COL11A2: variants seen among roughly 807,000 people sequenced by gnomAD.
The protein encoded by COL11A2 is collagen type XI alpha 2 chain.
Under a neutral mutation model 273.4 loss-of-function variants are expected in COL11A2, and 116 were observed. The observed-to-expected ratio is 0.42, with a 90% CI of 0.36 to 0.49. The LOEUF is 0.49. Ranked by LOEUF, COL11A2 falls within the 20% of genes least tolerant of loss-of-function variation. COL11A2 has a pLI of 0.00. For synonymous variants in COL11A2, 782 were observed against 864.2 expected (o/e 0.90, Z 1.67); for missense variants, 1,866 against 2,309.0 (o/e 0.81, Z 3.93).
At chr6:33,187,999 G>A (rs968760017) in intron 4 of COL11A2, among the ~76,000 whole-genome samples, 5 of 152,022 alleles carry the variant, frequency 3.3e-5, no homozygotes, top group Admixed American at 1.3e-4. Context: ...CTAGGTGGGC[G>A]TGTGATGCAT....
intron 30 of COL11A2, 114 bp downstream of exon 30, chr6:33,175,460 A>C: frequency 1.2e-6 from 1 of 815,906 alleles, no homozygotes; most frequent in Non-Finnish European, 2.1e-6. Context: ...AGTATGACTA[A>C]TGCATGGCCA....
At position 33,190,177 on chromosome 6, in the gene COL11A2, G is replaced by A. The variant is rs1356311401; in HGVS notation, c.83-708C>T. Among the ~76,000 whole-genome samples, 1 of 151,916 alleles carries A rather than the reference G, an allele frequency of 6.6e-6. No individual in the cohort carries two copies. Among genetic ancestry groups the A allele is most frequent in the Admixed American group, 6.5e-5 (1 of 15,276 alleles). ...CTCTCCCAGGAGTCTGTGCCTCCTG[G>A]TTTAGGAGATGAGTTGGGGAGGGGT... is the stretch of plus-strand genomic sequence containing the variant. On this transcript the variant is annotated intron_variant, in intron 1 of 65. Coordinates refer to ENST00000341947, the MANE Select transcript of COL11A2 (RefSeq NM_080680.3). This position sits in a 1 kb window ranked among gnomAD's most constrained non-coding sequence, Gnocchi z 4.5.
At position 33,169,714 on chromosome 6, in the gene COL11A2, G is replaced by A. The variant is rs1329181345; in HGVS notation, c.3690+117C>T. 2 of 1,324,210 alleles carry A rather than the reference G, an allele frequency of 1.5e-6. No homozygotes were observed. The highest frequency in any genetic ancestry group is 2.2e-6 in the Non-Finnish European group (2 of 916,620). 82.0% of individuals were successfully genotyped at this position (1,324,210 alleles called of 1,614,324 possible). ...GATCAGGCCTCATAGAGGATGGCAGGGAGCAGAGACTCTTGCTGCAGAGGA... is the reference window on the plus strand; with the variant it reads ...GATCAGGCCTCATAGAGGATGGCAGAGAGCAGAGACTCTTGCTGCAGAGGA... On this transcript the variant is annotated intron_variant, in intron 50 of 65. Coordinates refer to ENST00000341947, the MANE Select transcript of COL11A2 (RefSeq NM_080680.3). This position sits in a 1 kb window ranked among gnomAD's most constrained non-coding sequence, Gnocchi z 5.5.
In COL11A2 at chr6:33,173,542, G is replaced by A. The variant is rs754496233; in HGVS notation, c.2642C>T (p.Pro881Leu). The change falls in exon 36 of 66, where the codon CCT becomes CTT. Residue 881 changes from proline to leucine, a missense_variant. Transcript: ENST00000341947. This position sits in a 1 kb window ranked among gnomAD's most constrained non-coding sequence, Gnocchi z 6.3. ...GPPGERGLPGPQGPNGFPGPK... is the reference protein window; with the variant it reads ...GPPGERGLPGLQGPNGFPGPK... ...TCCAGGAAACCCGTTGGGACCCTGA[G>A]GTCCAGGGAGGCCCTAGAGACAGAG... The A allele has an allele frequency of 2.5e-6, 4 of 1,598,716 alleles. No homozygotes were observed. The African/African-American group carries it at 5.4e-5, about 22-fold the overall frequency.
At chr6:33,183,108 C>A (rs1024507491) in intron 8 of COL11A2, among the ~76,000 whole-genome samples, 1 of 152,068 alleles carries the variant, frequency 6.6e-6, no homozygotes, top group African/African-American at 2.4e-5. Context: ...GCAAGGCAGG[C>A]AGAAGACGGA....
In COL11A2 at chr6:33,180,988, C is replaced by G. The variant is rs1328189776; in HGVS notation, c.1197G>C (p.Gly399=). The stretch of plus-strand genomic sequence containing the variant: ...CCGCAGGGCCTTCTGGGCCAGGGGG[C>G]CCCTCCACGAGCATACCCTGTGGAG... ...AVLEPGMLVE[G]PPGPEGPAGL... The change falls in exon 10 of 66, where the codon GGG becomes GGC. Residue 399 remains glycine, a synonymous_variant. Transcript: ENST00000341947. 4 of 1,614,060 alleles carry G rather than the reference C, an allele frequency of 2.5e-6. No homozygotes were observed. The highest frequency in any genetic ancestry group is 3.4e-6 in the Non-Finnish European group (4 of 1,179,966).
At chr6:33,191,084 C>A (rs2150632062) in intron 1 of COL11A2, among the ~76,000 whole-genome samples, 1 of 152,268 alleles carries the variant, frequency 6.6e-6, no homozygotes, top group South Asian at 2.1e-4. Context: ...CCACTCAGCC[C>A]CTGAAATAAG....
intron 4 of COL11A2, 74 bp from the exon 5 acceptor site, chr6:33,186,892 T>C (rs1053628019): frequency 1.2e-5 from 19 of 1,599,034 alleles, no homozygotes; most frequent in Middle Eastern, 1.7e-4. Flanking sequence ...AGAAAGAGTA[T>C]AGGAGGCCAA....
At position 33,165,186 on chromosome 6, in the gene COL11A2, C is replaced by G. The variant is rs1489948629; in HGVS notation, c.4751-222G>C. ...CATCACGTGACACCTCTGCCCCCAACAGTAACCCCAGGCCCTCTGACTGGA... is the reference window on the plus strand; with the variant it reads ...CATCACGTGACACCTCTGCCCCCAAGAGTAACCCCAGGCCCTCTGACTGGA... On this transcript the variant is annotated intron_variant, in intron 63 of 65. Coordinates refer to ENST00000341947, the MANE Select transcript of COL11A2 (RefSeq NM_080680.3). The surrounding 1 kb of genome is among the most constrained non-coding windows in gnomAD (Gnocchi z 7.7). Among the ~76,000 whole-genome samples, 2 of 152,144 alleles carry G rather than the reference C, an allele frequency of 1.3e-5. No individual in the cohort carries two copies. The highest frequency in any genetic ancestry group is 2.9e-5 in the Non-Finnish European group (2 of 68,022).
rs115052745 is a variant in COL11A2 at position 33,184,571 on chromosome 6, G to T, written c.940-247C>A. On this transcript the variant is annotated intron_variant, in intron 7 of 65. Transcript: ENST00000341947. ...GGAAGAAGTGGTGGATAAAATGAAG[G>T]GTGGCCAGAGGACTGGATGCAGAGT... Among the ~76,000 whole-genome samples the T allele has an allele frequency of 0.14, 21,569 of 152,106 alleles. 2,065 individuals carry two copies. Among genetic ancestry groups the T allele is most frequent in the Admixed American group, 0.26 (3,966 of 15,286 alleles).
rs1769597412 is a variant in COL11A2 at position 33,168,855 on chromosome 6, A to C, written c.3853-96T>G. 3 of 1,600,910 alleles carry C rather than the reference A, an allele frequency of 1.9e-6. No individual in the cohort carries two copies. The African/African-American group carries it at 4.1e-5, about 22-fold the overall frequency. ...CCCATCCCCTTGCCCACCCTGCCATACCCCCGGCTTCCCAATACCCAAGCC... is the reference window on the plus strand; with the variant it reads ...CCCATCCCCTTGCCCACCCTGCCATCCCCCCGGCTTCCCAATACCCAAGCC... On this transcript the variant is annotated intron_variant, in intron 52 of 65. Transcript: ENST00000341947.
At position 33,165,891 on chromosome 6, in the gene COL11A2, A is replaced by G. The variant is rs753962709; in HGVS notation, c.4482+40T>C. 3.7e-6 allele frequency: 6 copies of G among 1,613,724 alleles called. No homozygotes were observed. Among genetic ancestry groups the G allele is most frequent in the Non-Finnish European group, 5.1e-6 (6 of 1,179,966 alleles). Reference sequence around the variant, plus strand: ...GTGAAGTGTGGCAGCAGTGGAGCAGAGGGGTACGGCCCTGGGAGCAGCCCT... The same window carrying G: ...GTGAAGTGTGGCAGCAGTGGAGCAGGGGGGTACGGCCCTGGGAGCAGCCCT... On this transcript the variant is annotated intron_variant, in intron 62 of 65. Coordinates refer to ENST00000341947, the MANE Select transcript of COL11A2 (RefSeq NM_080680.3). This position sits in a 1 kb window ranked among gnomAD's most constrained non-coding sequence, Gnocchi z 7.7.
rs886061315 is a variant in COL11A2 at position 33,168,957 on chromosome 6, G to A, written c.3850C>T (p.Arg1284Trp). 34 of 1,448,746 alleles carry A rather than the reference G, an allele frequency of 2.3e-5. No homozygotes were observed. Among genetic ancestry groups the A allele is most frequent in the South Asian group, 6.8e-5 (6 of 88,148 alleles). 89.7% of individuals were successfully genotyped at this position (1,448,746 alleles called of 1,614,324 possible). A position where few individuals can be genotyped will look rare whatever the true frequency, so the allele number is the denominator to read the frequency against. Reference sequence around the variant, plus strand: ...TCCCTTCTCTGAGTAAGACTCACCCGAGGGCCACCTTCTCCAGGGGGGCCA... The same window carrying A: ...TCCCTTCTCTGAGTAAGACTCACCCAAGGGCCACCTTCTCCAGGGGGGCCA... ...DPGPPGEGGPRGQDGAKGDRG... is the reference protein window; with the variant it reads ...DPGPPGEGGPWGQDGAKGDRG... The change falls in exon 52 of 66, where the codon CGG (arginine) becomes TGG (tryptophan). Residue 1284 changes from arginine (R) to tryptophan (W), a missense_variant and splice_region_variant. Physicochemically the swap from Arg to Trp is moderately radical, Grantham distance 101. Transcript: ENST00000341947.
chr6:33,187,049 G>T (rs560239262), intron 4 of COL11A2, among the ~76,000 whole-genome samples: 10 of 152,244 alleles, frequency 6.6e-5, no homozygotes, highest in Non-Finnish European at 1.3e-4. Flanking sequence ...CCATTTTTCA[G>T]ATACGTTCCA....
At chr6:33,188,796 C>T (rs1037746810) in intron 3 of COL11A2, among the ~76,000 whole-genome samples, 182 bp downstream of exon 3, 1 of 152,126 alleles carries the variant, frequency 6.6e-6, no homozygotes, top group Non-Finnish European at 1.5e-5. Flanking sequence ...GTTCAACATG[C>T]AGAGAAGGCT....
chr6:33,173,792 C>T lies in COL11A2; in HGVS notation c.2584-47G>A. On this transcript the variant is annotated intron_variant, in intron 34 of 65. Coordinates refer to ENST00000341947, the MANE Select transcript of COL11A2 (RefSeq NM_080680.3). This position sits in a 1 kb window ranked among gnomAD's most constrained non-coding sequence, Gnocchi z 6.3. ...AGGAGTGGGAAGAGCTGCTTTCCAG[C>T]TGTCCCCGAGGTCAGGATGTTGAGG... The T allele has an allele frequency of 1.9e-6, 3 of 1,608,440 alleles. No homozygotes were observed. The highest frequency in any genetic ancestry group is 2.6e-6 in the Non-Finnish European group (3 of 1,175,616).
rs111314350 is a variant in COL11A2 at position 33,184,780 on chromosome 6, G to A, written c.939+212C>T. Among the ~76,000 whole-genome samples the A allele has an allele frequency of 7.6e-3, 1,154 of 152,346 alleles. 21 individuals carry two copies. The highest frequency in any genetic ancestry group is 0.035 in the South Asian group (171 of 4,830). ...CTCAGGAATCAAAGAATCATGGAAG[G>A]AGGCCTGGATACTGAAGGGAACGGG... On this transcript the variant is annotated intron_variant, in intron 7 of 65. Transcript: ENST00000341947.
rs2150539639 is a variant in COL11A2, at chr6:33,170,372, G to C, written c.3536C>G (p.Pro1179Arg). Residue 1179 changes from proline (P) to arginine (R), a missense_variant, in exon 48 of 66, where the codon CCT (proline) becomes CGT (arginine). Transcript: ENST00000341947. This position sits in a 1 kb window ranked among gnomAD's most constrained non-coding sequence, Gnocchi z 4.3. The part of the protein sequence containing the change: ...ETGDVGPMGP[P>R]GPPGPRGPAG... ...TGGACCTCGAGGTCCTGGGGGGCCA[G>C]GTGGTCCCTGGGGGAAACAGATACA... 6.2e-7 allele frequency: 1 copy of C among 1,613,090 alleles called. No homozygotes were observed.
chr6:33,191,489 G>C (rs2150633590), intron 1 of COL11A2, among the ~76,000 whole-genome samples: 1 of 152,348 alleles, frequency 6.6e-6, no homozygotes, highest in South Asian at 2.1e-4. Context: ...CAGGGTCCCA[G>C]GGGAGCCTGG....
Sources: gnomAD v4.1 joint callset for allele counts (sites outside exome capture counted in the v4.1 genomes callset) on GRCh38, gnomAD v4.1.1 for gene constraint, Gnocchi (gnomAD v3.1) non-coding constraint, MANE v1.5 for transcripts, NCBI Gene and HGNC (gene_info 2026-07-23, HGNC 2026-07-21) for gene names.